Variants in PUS10 observed in about 807,000 individuals in gnomAD.
PUS10 encodes the protein pseudouridine synthase 10.
PUS10 carries 59 observed loss-of-function variants against 75.0 expected under a neutral mutation model. The observed-to-expected ratio is 0.79, with a 90% CI of 0.64 to 0.98. PUS10 has a LOEUF of 0.98. PUS10 is among the 50% of genes least tolerant of loss of function. The pLI, the probability that PUS10 is intolerant of heterozygous loss-of-function variation, is 0.00. For synonymous variants in PUS10, 219 were observed against 211.6 expected, an observed-to-expected ratio of 1.03 and a Z score of -0.30; for missense variants, 650 against 614.4, an observed-to-expected ratio of 1.06 and a Z score of -0.61.
chr2:61,001,341 A>G (rs972107676), intron 4 of PUS10, among the ~76,000 whole-genome samples: 3 of 151,748 alleles, frequency 2.0e-5, no homozygotes, highest in South Asian at 2.1e-4. Context: ...CAGTGGCACA[A>G]TCTTGGCTCA....
intron 4 of PUS10, among the ~76,000 whole-genome samples, chr2:60,996,789 T>C (rs1343601692): frequency 6.6e-6 from 1 of 152,124 alleles, no homozygotes; most frequent in Non-Finnish European, 1.5e-5. Flanking sequence ...AAATTGCCCA[T>C]AGCATATCTT....
chr2:60,955,321 TTTTA>T (rs995449873), intron 11 of PUS10, among the ~76,000 whole-genome samples: 34 of 151,784 alleles, frequency 2.2e-4, no homozygotes, highest in Non-Finnish European at 8.8e-5. Flanking sequence ...ATAATTTAAA[TTTTA>T]TTTATTTATT....
chr2:61,009,001 T>C lies in PUS10; in HGVS notation c.141A>G (p.Glu47=). Residue 47 remains glutamate (E), a synonymous_variant, in exon 3 of 18, where the codon GAA becomes GAG. Coordinates refer to ENST00000316752, the MANE Select transcript of PUS10 (RefSeq NM_144709.4). ...TTTCAGTTTCCAGAAATTTCTGTAG[T>C]TCATTGAGCAACTCCTGGAAAGTTA... ...YKLPYKELLN[E]LQKFLETEKD... 6.2e-7 allele frequency: 1 copy of C among 1,612,218 alleles called. No homozygotes were observed. The highest frequency in any genetic ancestry group is 8.5e-7 in the Non-Finnish European group (1 of 1,179,456).
At chr2:60,997,600 A>C (rs1338985939) in intron 4 of PUS10, among the ~76,000 whole-genome samples, 2 of 119,606 alleles carry the variant, frequency 1.7e-5, no homozygotes, top group East Asian at 4.5e-4. Context: ...ACAGAGCAAG[A>C]CTCCATCTCA....
intron 15 of PUS10, among the ~76,000 whole-genome samples, chr2:60,948,629 G>C (rs1288927400): frequency 6.6e-6 from 1 of 152,062 alleles, no homozygotes; most frequent in African/African-American, 2.4e-5. Flanking sequence ...GATATGTCTG[G>C]AAAAGTTATG....
intron 3 of PUS10, among the ~76,000 whole-genome samples, chr2:61,007,023 C>G (rs115946767): frequency 6.6e-6 from 1 of 152,300 alleles, no homozygotes; most frequent in African/African-American, 2.4e-5. Context: ...TACCACTAGT[C>G]TTTTCAGGAC....
At chr2:61,014,382 ACAAACAAG>A (rs975225785) in intron 1 of PUS10, among the ~76,000 whole-genome samples, 1 of 152,202 alleles carries the variant, frequency 6.6e-6, no homozygotes, top group African/African-American at 2.4e-5. Flanking sequence ...TCCATCTCAA[ACAAACAAG>A]CAAACAAACA....
At chr2:60,942,805 C>A (rs1040618212) in intron 17 of PUS10, among the ~76,000 whole-genome samples, 3 of 152,120 alleles carry the variant, frequency 2.0e-5, no homozygotes, top group African/African-American at 7.2e-5. Flanking sequence ...TCAAGGTGGG[C>A]AGACCACTCA....
Position 61,008,788 on chromosome 2 carries a change from T to C in PUS10, c.354A>G (p.Glu118=). The C allele has an allele frequency of 6.3e-7, 1 of 1,590,176 alleles. No individual in the cohort carries two copies. The highest frequency in any genetic ancestry group is 8.6e-7 in the Non-Finnish European group (1 of 1,168,124). ...TTTTAATGAAATCTTTCTCACAGAA[T>C]TCTTGAAGAATTCCTAGGCATACAT... ...VCNVCLGILQ[E]FCEKDFIKKV... Residue 118 remains glutamate (E), a synonymous_variant, in exon 3 of 18, where the codon GAA becomes GAG. Transcript: ENST00000316752.
chr2:61,010,982 T>G, intron 2 of PUS10: 1 of 1,445,494 alleles, frequency 6.9e-7, no homozygotes, highest in Non-Finnish European at 9.3e-7. Flanking sequence ...AATTGAATAT[T>G]GTGTATTATT....
At chr2:60,982,454 G>C (rs1368603407) in intron 4 of PUS10, among the ~76,000 whole-genome samples, 1 of 151,970 alleles carries the variant, frequency 6.6e-6, no homozygotes. Context: ...GTAGAGGCAG[G>C]GTTTTGCAAT....
At chr2:60,998,600 G>T (rs939548753) in intron 4 of PUS10, among the ~76,000 whole-genome samples, 1 of 151,848 alleles carries the variant, frequency 6.6e-6, no homozygotes, top group Admixed American at 6.6e-5. Context: ...TGAAGCGGGA[G>T]AATCGCTTGA....
chr2:60,993,867 G>C (rs1434641142), intron 4 of PUS10, among the ~76,000 whole-genome samples: 1 of 151,978 alleles, frequency 6.6e-6, no homozygotes, highest in Non-Finnish European at 1.5e-5. Context: ...TCGGCTCACT[G>C]CAAGTTCCGC....
intron 1 of PUS10, among the ~76,000 whole-genome samples, chr2:61,014,704 C>T (rs751251497): frequency 1.4e-4 from 22 of 152,138 alleles, no homozygotes; most frequent in Non-Finnish European, 2.5e-4. Flanking sequence ...TAACTGTGGT[C>T]ATAAAGATGA....
At chr2:60,949,380 T>G (rs1675192876) in intron 15 of PUS10, among the ~76,000 whole-genome samples, 1 of 152,226 alleles carries the variant, frequency 6.6e-6, no homozygotes. Context: ...ACCTTTAGAG[T>G]TATTCCCAGT....
rs574047532 is a variant in PUS10, at chr2:61,015,977, G to T, written c.-16+2031C>A. Among the ~76,000 whole-genome samples the T allele has an allele frequency of 7.9e-5, 12 of 152,282 alleles. No homozygotes were observed. The East Asian group carries it at 1.7e-3, about 22-fold the overall frequency. ...ACATTTAACTCAAAAAGAGACAGAAGAAATACACCCTCTTCCAATAAATCA... is the reference window on the plus strand; with the variant it reads ...ACATTTAACTCAAAAAGAGACAGAATAAATACACCCTCTTCCAATAAATCA... On this transcript the variant is annotated intron_variant, in intron 1 of 17. Coordinates refer to ENST00000316752, the MANE Select transcript of PUS10 (RefSeq NM_144709.4).
intron 5 of PUS10, among the ~76,000 whole-genome samples, chr2:60,969,739 C>T (rs943787839): frequency 4.6e-5 from 7 of 152,004 alleles, no homozygotes; most frequent in African/African-American, 1.7e-4. Flanking sequence ...TTCCATTATC[C>T]CTATATCAGT....
intron 2 of PUS10, chr2:61,010,449 C>T (rs1044865115): frequency 5.0e-6 from 1 of 201,826 alleles, no homozygotes. Flanking sequence ...GCCTCAGCCT[C>T]CCAAGTAGCT....
intron 2 of PUS10, among the ~76,000 whole-genome samples, chr2:61,011,455 A>C (rs980738957): frequency 6.6e-6 from 1 of 152,224 alleles, no homozygotes; most frequent in African/African-American, 2.4e-5. Flanking sequence ...CCTGGGAGGA[A>C]GCAATATTTT....
Sources: allele counts gnomAD v4.1 joint callset (sites outside exome capture counted in the v4.1 genomes callset), GRCh38; gene constraint gnomAD v4.1.1; transcripts MANE v1.5; gene names NCBI Gene and HGNC (gene_info 2026-07-23, HGNC 2026-07-21).